The following DLG2 variants were observed in gnomAD, a reference collection of about 807,000 sequenced individuals.
The protein encoded by DLG2 is disks large homolog 2.
DLG2 carries 45 observed loss-of-function variants against 132.5 expected under a neutral mutation model. That is an observed-to-expected ratio of 0.34 (90% confidence interval 0.27 to 0.44). The LOEUF (loss-of-function observed/expected upper bound fraction) is 0.44, where lower values mean the gene tolerates loss of function less well. DLG2 is among the 20% of genes least tolerant of loss of function. The probability of loss-of-function intolerance (pLI) is 1.00; values close to 1 mark genes in which losing one functional copy is unlikely to be tolerated. For missense variants in DLG2, 1,045 were observed against 1,196.9 expected (o/e 0.87, Z 1.87); for synonymous variants, 424 against 419.6 (o/e 1.01, Z -0.13).
intron 18 of DLG2, among the ~76,000 whole-genome samples, chr11:83,669,054 C>G (rs1034607815): frequency 6.6e-6 from 1 of 151,896 alleles, no homozygotes; most frequent in Non-Finnish European, 1.5e-5. Context: ...TCAAAATGCT[C>G]TATTGGAATA....
intron 19 of DLG2, among the ~76,000 whole-genome samples, chr11:83,572,938 C>T (rs1593475792): frequency 6.6e-6 from 1 of 152,262 alleles, no homozygotes; most frequent in South Asian, 2.1e-4. Flanking sequence ...ACTACCCCTG[C>T]CCCATCACTT....
chr11:84,813,975 T>C (rs924134706), intron 6 of DLG2, among the ~76,000 whole-genome samples: 2 of 151,990 alleles, frequency 1.3e-5, no homozygotes, highest in African/African-American at 4.8e-5. Context: ...GAAAAGAAAA[T>C]ACATTTTTCT....
intron 14 of DLG2, among the ~76,000 whole-genome samples, chr11:83,950,918 C>G (rs961827374): frequency 6.6e-6 from 1 of 151,938 alleles, no homozygotes; most frequent in Non-Finnish European, 1.5e-5. Flanking sequence ...ATTTGCCTGC[C>G]CCCCCCTCCA....
chr11:83,522,863 T>G (rs916951592), intron 21 of DLG2, among the ~76,000 whole-genome samples: 1 of 149,938 alleles, frequency 6.7e-6, no homozygotes, highest in African/African-American at 2.4e-5. Flanking sequence ...TTTATAAATA[T>G]TAAGAACATA....
At chr11:84,586,525 C>T (rs1019845795) in intron 6 of DLG2, among the ~76,000 whole-genome samples, 1 of 152,278 alleles carries the variant, frequency 6.6e-6, no homozygotes, top group Non-Finnish European at 1.5e-5. Context: ...TCTGTCTCAT[C>T]AAATGGCATA....
intron 6 of DLG2, among the ~76,000 whole-genome samples, chr11:84,804,520 C>A (rs2075781212): frequency 6.6e-6 from 1 of 152,138 alleles, no homozygotes; most frequent in African/African-American, 2.4e-5. Flanking sequence ...GTTAAAACAA[C>A]TAGTGACCCT....
chr11:84,575,708 T>C (rs1206283682), intron 6 of DLG2, among the ~76,000 whole-genome samples: 1 of 152,252 alleles, frequency 6.6e-6, no homozygotes, highest in African/African-American at 2.4e-5. Flanking sequence ...CTTTTCATTA[T>C]TTTAAAATGT....
At chr11:84,584,698 T>A (rs2099525037) in intron 6 of DLG2, among the ~76,000 whole-genome samples, 1 of 106,474 alleles carries the variant, frequency 9.4e-6, no homozygotes, top group African/African-American at 4.3e-5. Context: ...TTTTTTTTTT[T>A]TTTTTTTTGA....
At chr11:84,304,709 CA>C (rs1214081571) in intron 7 of DLG2, among the ~76,000 whole-genome samples, 2 of 152,116 alleles carry the variant, frequency 1.3e-5, no homozygotes, top group Non-Finnish European at 2.9e-5. Context: ...TCATGATTTT[CA>C]TGTCTGAAAT....
chr11:84,115,854 C>G (rs1434144147), intron 9 of DLG2, among the ~76,000 whole-genome samples: 1 of 152,206 alleles, frequency 6.6e-6, no homozygotes, highest in Non-Finnish European at 1.5e-5. Flanking sequence ...GAGTACCTCA[C>G]TAGAGTATAA....
At chr11:84,622,895 TC>T (rs1302174162) in intron 6 of DLG2, among the ~76,000 whole-genome samples, 1 of 152,146 alleles carries the variant, frequency 6.6e-6, no homozygotes, top group African/African-American at 2.4e-5. Context: ...CAAAGCTCTT[TC>T]AAATCTATGC....
At chr11:84,565,900 G>A (rs965036844) in intron 6 of DLG2, among the ~76,000 whole-genome samples, 1 of 151,170 alleles carries the variant, frequency 6.6e-6, no homozygotes, top group African/African-American at 2.4e-5. Context: ...TATATCATTC[G>A]ATAAAGTATT....
chr11:85,445,723 C>T (rs1182743191), intron 3 of DLG2, among the ~76,000 whole-genome samples: 1 of 152,108 alleles, frequency 6.6e-6, no homozygotes, highest in Non-Finnish European at 1.5e-5. Flanking sequence ...AACAGGCACA[C>T]CTCATTTAAA....
At chr11:83,699,905 G>C (rs200096203) in intron 18 of DLG2, among the ~76,000 whole-genome samples, 16 of 129,318 alleles carry the variant, frequency 1.2e-4, no homozygotes, top group Non-Finnish European at 2.1e-4. Context: ...ATGTATGTAT[G>C]TATCTATCTT....
intron 3 of DLG2, among the ~76,000 whole-genome samples, chr11:85,538,496 G>C (rs1340956931): frequency 6.6e-6 from 1 of 151,804 alleles, no homozygotes; most frequent in East Asian, 1.9e-4. Flanking sequence ...CTGGGTATAT[G>C]CTCAAAGGAA....
intron 6 of DLG2, among the ~76,000 whole-genome samples, chr11:84,604,118 T>C (rs376894101): frequency 5.8e-4 from 88 of 152,052 alleles, no homozygotes; most frequent in African/African-American, 2.0e-3. Context: ...GGATAGTGTA[T>C]CTAAGCAAAA....
chr11:83,487,991 G>A (rs1439686349), intron 21 of DLG2, among the ~76,000 whole-genome samples: 1 of 151,882 alleles, frequency 6.6e-6, no homozygotes, highest in Non-Finnish European at 1.5e-5. Flanking sequence ...TATACAATTA[G>A]ATTGCAGTGA....
At position 84,131,945 on chromosome 11, in the gene DLG2, T is replaced by G. The variant is rs884873; in HGVS notation, c.624+31516A>C. Among the ~76,000 whole-genome samples the G allele has an allele frequency of 3.0e-3, 459 of 151,352 alleles. 2 individuals carry two copies. The highest frequency in any genetic ancestry group is 0.011 in the African/African-American group (435 of 41,174). On this transcript the variant is annotated intron_variant, in intron 9 of 27. Coordinates refer to ENST00000376104, the MANE Select transcript of DLG2 (RefSeq NM_001142699.3). ...GTGAATATGACCCTTCTTCTACTTATTGTTTTTTTTTTGTCATAAACTACA... is the reference window on the plus strand; with the variant it reads ...GTGAATATGACCCTTCTTCTACTTAGTGTTTTTTTTTTGTCATAAACTACA...
intron 8 of DLG2, among the ~76,000 whole-genome samples, chr11:84,228,163 C>T (rs1444230200): frequency 9.2e-5 from 14 of 152,272 alleles, no homozygotes; most frequent in East Asian, 1.9e-4. Context: ...CCATCTCTTC[C>T]GTACTCTATC....
Sources: allele counts gnomAD v4.1 joint callset (sites outside exome capture counted in the v4.1 genomes callset), GRCh38; gene constraint gnomAD v4.1.1; transcripts MANE v1.5; gene names NCBI Gene and HGNC (gene_info 2026-07-23, HGNC 2026-07-21).